The following PCDH9 variants were observed in gnomAD, a reference collection of about 807,000 sequenced individuals.
The protein encoded by PCDH9 is protocadherin-9.
A neutral mutation model predicts 70.6 loss-of-function variants in PCDH9; 24 were observed. That is an observed-to-expected ratio of 0.34 (90% CI 0.25 to 0.48). PCDH9 has a LOEUF of 0.48. PCDH9 is among the 20% of genes least tolerant of loss of function. The pLI is 0.99. For missense variants in PCDH9, 1,281 were observed against 1,503.6 expected, an observed-to-expected ratio of 0.85 and a Z score of 2.45; for synonymous variants, 562 against 558.5, an observed-to-expected ratio of 1.01 and a Z score of -0.09.
intron 4 of PCDH9, among the ~76,000 whole-genome samples, chr13:66,369,736 G>A (rs1593869663): frequency 6.6e-6 from 1 of 152,196 alleles, no homozygotes. Context: ...TTCTGAGTTA[G>A]CAAGTGAATA....
chr13:67,195,830 G>T (rs1306267258), intron 2 of PCDH9, among the ~76,000 whole-genome samples: 5 of 152,060 alleles, frequency 3.3e-5, no homozygotes, highest in Non-Finnish European at 7.4e-5. Flanking sequence ...ATGTATATGG[G>T]AACAGATATT....
intron 4 of PCDH9, among the ~76,000 whole-genome samples, chr13:66,427,876 C>T (rs1347850309): frequency 6.6e-6 from 1 of 151,558 alleles, no homozygotes; most frequent in African/African-American, 2.4e-5. Flanking sequence ...ATATTTCATA[C>T]TAACAATAGA....
At chr13:66,327,076 T>TA (rs1947933580) in intron 4 of PCDH9, among the ~76,000 whole-genome samples, 1 of 152,180 alleles carries the variant, frequency 6.6e-6, no homozygotes, top group Admixed American at 6.5e-5. Context: ...AAGTTTAAAA[T>TA]ACGCTTTTGT....
chr13:66,636,781 AAC>A (rs368241890), intron 3 of PCDH9, among the ~76,000 whole-genome samples: 22 of 151,802 alleles, frequency 1.4e-4, no homozygotes, highest in Admixed American at 4.6e-4. Context: ...CACACACACA[AAC>A]ACACATACCA....
Position 67,020,204 on chromosome 13 carries a change from T to G in PCDH9, c.3037-116599A>C, listed in dbSNP as rs2084648512. ...CTATCTATGGGGAAAAAAAGCAAAA[T>G]AAACAACACAACAACAAAAGCTTTT... On this transcript the variant is annotated intron_variant, in intron 2 of 4. Transcript: ENST00000377865. Among the ~76,000 whole-genome samples the G allele has an allele frequency of 2.6e-5, 4 of 152,178 alleles. 1 individual carries two copies. The South Asian group carries it at 8.3e-4, about 32-fold the overall frequency.
chr13:67,017,680 G>A (rs1262495069), intron 2 of PCDH9, among the ~76,000 whole-genome samples: 1 of 152,104 alleles, frequency 6.6e-6, no homozygotes, highest in African/African-American at 2.4e-5. Flanking sequence ...ATATGCAAAT[G>A]TTACTGTTAG....
chr13:66,687,699 A>G (rs1453325590), intron 3 of PCDH9, among the ~76,000 whole-genome samples: 4 of 151,988 alleles, frequency 2.6e-5, no homozygotes, highest in Admixed American at 2.6e-4. Flanking sequence ...ACACATTTTT[A>G]CCCCTTACTC....
At chr13:66,754,101 T>C (rs1243407440) in intron 3 of PCDH9, among the ~76,000 whole-genome samples, 3 of 152,132 alleles carry the variant, frequency 2.0e-5, no homozygotes, top group Non-Finnish European at 4.4e-5. Flanking sequence ...ATTCTCTTTG[T>C]TCTAAGAGGT....
At chr13:66,503,653 A>C (rs1426989717) in intron 4 of PCDH9, among the ~76,000 whole-genome samples, 1 of 152,220 alleles carries the variant, frequency 6.6e-6, no homozygotes, top group East Asian at 1.9e-4. Context: ...GAGAATGATA[A>C]GAATATGTAT....
chr13:66,513,968 A>C (rs1959611260), intron 4 of PCDH9, among the ~76,000 whole-genome samples: 1 of 152,162 alleles, frequency 6.6e-6, no homozygotes, highest in South Asian at 2.1e-4. Flanking sequence ...AGGAGATTTG[A>C]CATGGCATTT....
intron 2 of PCDH9, among the ~76,000 whole-genome samples, chr13:67,148,386 C>T (rs1343488830): frequency 6.6e-6 from 1 of 151,808 alleles, no homozygotes; most frequent in Non-Finnish European, 1.5e-5. Context: ...ATTTTTACAG[C>T]TGATGTACAC....
At chr13:66,598,407 T>C (rs1039959300) in intron 4 of PCDH9, among the ~76,000 whole-genome samples, 3 of 151,870 alleles carry the variant, frequency 2.0e-5, no homozygotes, top group African/African-American at 4.8e-5. Context: ...TGTTCAAATA[T>C]TGTAACAGTT....
chr13:67,207,195 T>G (rs1160126794), intron 2 of PCDH9: 1 of 152,016 alleles, frequency 6.6e-6, no homozygotes, highest in Non-Finnish European at 1.5e-5. Flanking sequence ...TTTTTAACCT[T>G]TAAAAAAAGG....
intron 3 of PCDH9, among the ~76,000 whole-genome samples, chr13:66,787,568 A>G (rs1188489278): frequency 6.6e-6 from 1 of 152,012 alleles, no homozygotes; most frequent in Non-Finnish European, 1.5e-5. Context: ...GTGAGCTGAG[A>G]TCACACCACT....
At chr13:66,489,137 TCTTTAA>T (rs1328160805) in intron 4 of PCDH9, among the ~76,000 whole-genome samples, 5 of 152,168 alleles carry the variant, frequency 3.3e-5, no homozygotes, top group Admixed American at 3.3e-4. Context: ...ATATAGATTG[TCTTTAA>T]CTTTATTTTT....
chr13:66,934,844 C>G (rs547099669), intron 2 of PCDH9, among the ~76,000 whole-genome samples: 6 of 145,142 alleles, frequency 4.1e-5, no homozygotes, highest in Non-Finnish European at 7.5e-5. Context: ...CCTCAGCCTC[C>G]CGAGTAGCTG....
intron 2 of PCDH9, among the ~76,000 whole-genome samples, chr13:66,985,252 T>A (rs1373576328): frequency 6.6e-6 from 1 of 152,076 alleles, no homozygotes; most frequent in Non-Finnish European, 1.5e-5. Context: ...AGTGCCAAGA[T>A]CAATCCCTGG....
intron 4 of PCDH9, among the ~76,000 whole-genome samples, chr13:66,452,947 C>T (rs1958242863): frequency 6.6e-6 from 1 of 152,062 alleles, no homozygotes; most frequent in Non-Finnish European, 1.5e-5. Context: ...TCCATCCATC[C>T]ATCCATCCAC....
intron 4 of PCDH9, among the ~76,000 whole-genome samples, chr13:66,419,109 C>T (rs1285773914): frequency 1.3e-5 from 2 of 152,004 alleles, no homozygotes; most frequent in Non-Finnish European, 2.9e-5. Context: ...AGCCTACCAA[C>T]CAAAAAAAGC....
Sources: allele counts gnomAD v4.1 joint callset (sites outside exome capture counted in the v4.1 genomes callset), GRCh38; gene constraint gnomAD v4.1.1; transcripts MANE v1.5; gene names NCBI Gene and HGNC (gene_info 2026-07-23, HGNC 2026-07-21).